Variants in PLPPR5 observed in about 807,000 individuals in gnomAD.
The protein encoded by PLPPR5 is phospholipid phosphatase related 5.
Under a neutral mutation model 33.9 loss-of-function variants are expected in PLPPR5, and 16 were observed. The ratio of observed to expected loss-of-function variants is 0.47; its 90% CI spans 0.32 to 0.72. The LOEUF (loss-of-function observed/expected upper bound fraction) is 0.72. Ranked by LOEUF, PLPPR5 falls within the 30% of genes least tolerant of loss-of-function variation. PLPPR5 has a pLI of 0.03. For missense variants in PLPPR5, 301 were observed against 406.7 expected (o/e 0.74, Z 2.23); for synonymous variants, 163 against 150.3 (o/e 1.08, Z -0.62).
chr1:98,955,954 C>T (rs1310432190), intron 2 of PLPPR5, among the ~76,000 whole-genome samples: 1 of 152,052 alleles, frequency 6.6e-6, no homozygotes, highest in Non-Finnish European at 1.5e-5. Context: ...ATAATTCATT[C>T]ATGCATATAT....
intron 5 of PLPPR5, among the ~76,000 whole-genome samples, chr1:98,900,227 G>T (rs1648643309): frequency 6.6e-6 from 1 of 152,026 alleles, no homozygotes; most frequent in African/African-American, 2.4e-5. Flanking sequence ...ATCTTTAACA[G>T]CATCCTCAAG....
intron 3 of PLPPR5, among the ~76,000 whole-genome samples, chr1:98,936,882 G>A (rs532539350): frequency 6.6e-6 from 1 of 152,268 alleles, no homozygotes; most frequent in East Asian, 1.9e-4. Context: ...CAAATAATGA[G>A]CACTGAATAT....
intron 4 of PLPPR5, among the ~76,000 whole-genome samples, chr1:98,916,228 C>A (rs1049565594): frequency 2.6e-5 from 4 of 152,150 alleles, no homozygotes; most frequent in African/African-American, 9.6e-5. Context: ...AAAAATACTC[C>A]TTTGCAAATT....
chr1:99,004,414 G>C (rs1013019288), intron 1 of PLPPR5, 21 bp downstream of exon 1: 1 of 1,571,620 alleles, frequency 6.4e-7, no homozygotes, highest in African/African-American at 1.4e-5. Flanking sequence ...CGGCGACGAG[G>C]GCGAGCGCCC....
chr1:98,966,714 C>G (rs781652627), intron 1 of PLPPR5, among the ~76,000 whole-genome samples: 2 of 152,234 alleles, frequency 1.3e-5, no homozygotes, highest in East Asian at 3.9e-4. Context: ...AGTTAAGATT[C>G]GCAGTCTTTA....
intron 1 of PLPPR5, among the ~76,000 whole-genome samples, chr1:98,972,225 G>A (rs1382005878): frequency 6.6e-6 from 1 of 151,982 alleles, no homozygotes; most frequent in Admixed American, 6.6e-5. Flanking sequence ...TTCACAGCTG[G>A]CAGATATCTG....
intron 5 of PLPPR5, among the ~76,000 whole-genome samples, chr1:98,894,567 A>G (rs1046395848): frequency 6.6e-6 from 1 of 152,108 alleles, no homozygotes; most frequent in South Asian, 2.1e-4. Context: ...AAAGATGTTA[A>G]GATAGAAATT....
At chr1:98,912,514 G>A (rs1289785867) in intron 5 of PLPPR5, among the ~76,000 whole-genome samples, 1 of 152,142 alleles carries the variant, frequency 6.6e-6, no homozygotes, top group Non-Finnish European at 1.5e-5. Flanking sequence ...GGTAGGGAAT[G>A]TCCAGGGCAA....
chr1:98,980,736 GAACA>G (rs1312180290), intron 1 of PLPPR5, among the ~76,000 whole-genome samples: 1 of 151,988 alleles, frequency 6.6e-6, no homozygotes, highest in African/African-American at 2.4e-5. Context: ...TTATACAGGT[GAACA>G]CACCTGTTAT....
intron 3 of PLPPR5, among the ~76,000 whole-genome samples, chr1:98,930,574 A>C (rs914110053): frequency 3.3e-5 from 5 of 152,194 alleles, no homozygotes; most frequent in Non-Finnish European, 7.3e-5. Context: ...ATTGCAGCAC[A>C]TTATAGGTTT....
chr1:98,937,898 ATATG>A (rs1417998724), intron 3 of PLPPR5, among the ~76,000 whole-genome samples: 2 of 152,220 alleles, frequency 1.3e-5, no homozygotes, highest in African/African-American at 4.8e-5. Flanking sequence ...AATATTAAAA[ATATG>A]TATGTAAGCT....
intron 1 of PLPPR5, among the ~76,000 whole-genome samples, chr1:98,985,960 C>G (rs376639643): frequency 3.6e-4 from 54 of 152,048 alleles, no homozygotes; most frequent in African/African-American, 1.2e-3. Flanking sequence ...GTGGCATTTC[C>G]TGAATTCCTT....
intron 1 of PLPPR5, among the ~76,000 whole-genome samples, chr1:98,998,132 A>G (rs572130076): frequency 6.6e-6 from 1 of 152,296 alleles, no homozygotes; most frequent in Admixed American, 6.5e-5. Context: ...AAAGAAAGGG[A>G]GGGAAACAGG....
At chr1:98,981,419 T>G (rs1370480274) in intron 1 of PLPPR5, among the ~76,000 whole-genome samples, 3 of 152,090 alleles carry the variant, frequency 2.0e-5, no homozygotes, top group Non-Finnish European at 4.4e-5. Context: ...TAAACAACTT[T>G]GCATGCTGTT....
intron 3 of PLPPR5, among the ~76,000 whole-genome samples, chr1:98,927,578 TC>T (rs972307720): frequency 1.3e-5 from 2 of 152,230 alleles, no homozygotes; most frequent in African/African-American, 4.8e-5. Context: ...CCCACTGTCT[TC>T]TCTGCAGCCT....
chr1:98,941,509 T>C (rs1205714104), intron 3 of PLPPR5, among the ~76,000 whole-genome samples: 1 of 151,514 alleles, frequency 6.6e-6, no homozygotes, highest in Non-Finnish European at 1.5e-5. Flanking sequence ...CTTTCAAAGA[T>C]GCGACGGTAG....
chr1:98,932,584 T>C lies in PLPPR5; in HGVS notation c.622-10526A>G, dbSNP rs1650018724. 2.0e-5 allele frequency among the ~76,000 whole-genome samples: 3 copies of C among 152,230 alleles called. No homozygotes were observed. The South Asian group carries it at 6.2e-4, about 31-fold the overall frequency. On this transcript the variant is annotated intron_variant, in intron 3 of 5. Transcript: ENST00000263177. ...CAGCCTTATGCATTACTTTAGCTAT[T>C]TTTTAGGTGTGTAGTAGTTACTATA...
chr1:98,912,924 T>C lies in PLPPR5; in HGVS notation c.933+1862A>G, dbSNP rs186639511. Among the ~76,000 whole-genome samples, 4 of 152,262 alleles carry C rather than the reference T, an allele frequency of 2.6e-5. No individual in the cohort carries two copies. The East Asian group carries it at 7.7e-4, about 29-fold the overall frequency. ...TTAAGTACTTCTATCCTTACCTGAA[T>C]GCTTGAATTCTCTCCAAAGTACCAT... On this transcript the variant is annotated intron_variant, in intron 5 of 5. Coordinates refer to ENST00000263177, the MANE Select transcript of PLPPR5 (RefSeq NM_001037317.2).
At chr1:98,989,863 G>T (rs1349884890) in intron 1 of PLPPR5, among the ~76,000 whole-genome samples, 1 of 152,054 alleles carries the variant, frequency 6.6e-6, no homozygotes, top group Non-Finnish European at 1.5e-5. Context: ...AGACTCCTCT[G>T]CTCAGCTCAT....
Sources: allele counts gnomAD v4.1 joint callset (sites outside exome capture counted in the v4.1 genomes callset), GRCh38; gene constraint gnomAD v4.1.1; transcripts MANE v1.5; gene names NCBI Gene and HGNC (gene_info 2026-07-23, HGNC 2026-07-21).